The following ZNF385D variants were observed in gnomAD, a reference collection of about 807,000 sequenced individuals.
The protein encoded by ZNF385D is zinc finger protein 385D, also known as zinc finger protein 659.
In ZNF385D, 15 loss-of-function variants were observed where a neutral mutation model predicts 35.8. That is an observed-to-expected ratio of 0.42 (90% CI 0.28 to 0.64). The LOEUF (loss-of-function observed/expected upper bound fraction) is 0.64. ZNF385D is among the 30% of genes least tolerant of loss of function. The pLI, the probability that ZNF385D is intolerant of heterozygous loss-of-function variation, is 0.23. For synonymous variants in ZNF385D, 212 were observed against 186.8 expected (o/e 1.13, Z -1.10); for missense variants, 474 against 494.6 (o/e 0.96, Z 0.39).
At chr3:22,066,470 G>T (rs1369897764) in intron 3 of ZNF385D, among the ~76,000 whole-genome samples, 2 of 142,996 alleles carry the variant, frequency 1.4e-5, no homozygotes. Flanking sequence ...CCGTGTGTGT[G>T]TGTGTGTGTG....
chr3:21,565,903 T>A (rs866622693), intron 2 of ZNF385D, among the ~76,000 whole-genome samples: 3 of 152,298 alleles, frequency 2.0e-5, no homozygotes, highest in Middle Eastern at 3.4e-3. Flanking sequence ...TTCTGTGACA[T>A]ATTATAGTTC....
chr3:22,075,798 C>G (rs1344465830), intron 3 of ZNF385D, among the ~76,000 whole-genome samples: 1 of 151,932 alleles, frequency 6.6e-6, no homozygotes, highest in African/African-American at 2.4e-5. Context: ...ATTTCCTATT[C>G]TCCTTTGCAA....
intron 4 of ZNF385D, among the ~76,000 whole-genome samples, chr3:21,497,019 T>A (rs369401138): frequency 1.3e-5 from 2 of 152,076 alleles, no homozygotes; most frequent in Non-Finnish European, 2.9e-5. Context: ...TCACGACTCC[T>A]ATCCAACACA....
rs191761965 is a variant in ZNF385D at position 21,951,294 on chromosome 3, T to C, written c.325+217523A>G. ...ATAAGTTGTATACCTAGGTGTTTTATTCTCTTTGTAGCAATTGTGAATGGG... is the reference window on the plus strand; with the variant it reads ...ATAAGTTGTATACCTAGGTGTTTTACTCTCTTTGTAGCAATTGTGAATGGG... On this transcript the variant is annotated intron_variant, in intron 3 of 5. Coordinates refer to the ZNF385D transcript ENST00000494108. Among the ~76,000 whole-genome samples, 5 of 151,746 alleles carry C rather than the reference T, an allele frequency of 3.3e-5. 1 individual carries two copies. The highest frequency in any genetic ancestry group is 1.9e-4 in the East Asian group (1 of 5,168).
At chr3:21,853,361 A>G (rs1026076158) in intron 3 of ZNF385D, among the ~76,000 whole-genome samples, 4 of 151,868 alleles carry the variant, frequency 2.6e-5, no homozygotes, top group South Asian at 2.1e-4. Flanking sequence ...AAAAGTGGTA[A>G]TATCTATTAG....
In ZNF385D at chr3:21,941,646, C is replaced by T. The variant is rs567932271; in HGVS notation, c.325+227171G>A. Among the ~76,000 whole-genome samples the T allele has an allele frequency of 1.4e-4, 21 of 151,920 alleles. No individual in the cohort carries two copies. In the East Asian group the frequency reaches 3.3e-3, roughly 24 times the overall value. On this transcript the variant is annotated intron_variant, in intron 3 of 5. Transcript: ENST00000494108. Reference sequence around the variant, plus strand: ...CCGAGTAACTGGGACCACAGGCGCCCGCCACCACGTCCGGATAATTTTTTG... The same window carrying T: ...CCGAGTAACTGGGACCACAGGCGCCTGCCACCACGTCCGGATAATTTTTTG...
At chr3:21,636,496 C>G (rs1056478261) in intron 2 of ZNF385D, among the ~76,000 whole-genome samples, 3 of 148,510 alleles carry the variant, frequency 2.0e-5, no homozygotes, top group African/African-American at 7.5e-5. Context: ...AAGAAGAAGC[C>G]AGTCCGAATC....
At chr3:21,719,922 A>G (rs1413000201) in intron 1 of ZNF385D, among the ~76,000 whole-genome samples, 1 of 152,240 alleles carries the variant, frequency 6.6e-6, no homozygotes, top group Admixed American at 6.5e-5. Flanking sequence ...TCTCTCTCTC[A>G]TAACTAGCTG....
intron 3 of ZNF385D, among the ~76,000 whole-genome samples, chr3:21,858,287 T>C (rs1354700276): frequency 6.7e-6 from 1 of 149,904 alleles, no homozygotes; most frequent in African/African-American, 2.5e-5. Flanking sequence ...GGTAGGGAGG[T>C]AGCTTCAAAT....
chr3:22,268,692 A>C (rs191495310), intron 2 of ZNF385D, among the ~76,000 whole-genome samples: 1 of 152,200 alleles, frequency 6.6e-6, no homozygotes, highest in Admixed American at 6.6e-5. Flanking sequence ...AAGCAGATAT[A>C]ACTTAATCTA....
At chr3:21,728,729 T>G (rs1351741312) in intron 1 of ZNF385D, among the ~76,000 whole-genome samples, 1 of 152,150 alleles carries the variant, frequency 6.6e-6, no homozygotes, top group Non-Finnish European at 1.5e-5. Context: ...CAGAGGAGAT[T>G]CAAGTCGTTC....
At chr3:22,013,210 G>C (rs1476504837) in intron 3 of ZNF385D, among the ~76,000 whole-genome samples, 1 of 152,034 alleles carries the variant, frequency 6.6e-6, no homozygotes, top group African/African-American at 2.4e-5. Context: ...GATACATAAA[G>C]TGCAAACCTC....
intron 3 of ZNF385D, among the ~76,000 whole-genome samples, chr3:21,816,431 C>G (rs946684756): frequency 6.6e-6 from 1 of 152,136 alleles, no homozygotes; most frequent in Non-Finnish European, 1.5e-5. Context: ...CTAGAAAACC[C>G]CATTGTCTCA....
At chr3:22,014,658 A>G (rs1696774328) in intron 3 of ZNF385D, among the ~76,000 whole-genome samples, 1 of 152,094 alleles carries the variant, frequency 6.6e-6, no homozygotes, top group Non-Finnish European at 1.5e-5. Context: ...ATATGATAAT[A>G]TGTGCAAGCA....
intron 2 of ZNF385D, among the ~76,000 whole-genome samples, chr3:22,188,294 G>T (rs1381983829): frequency 6.6e-6 from 1 of 152,122 alleles, no homozygotes; most frequent in Non-Finnish European, 1.5e-5. Context: ...GTGGAGAGAT[G>T]AAAGACCAAT....
intron 4 of ZNF385D, among the ~76,000 whole-genome samples, chr3:21,503,052 A>G (rs998699763): frequency 4.6e-5 from 7 of 152,192 alleles, no homozygotes; most frequent in Non-Finnish European, 2.9e-5. Flanking sequence ...CAGCAGATCT[A>G]TAAGAGCTGA....
intron 3 of ZNF385D, among the ~76,000 whole-genome samples, chr3:21,871,432 G>C (rs1477939518): frequency 6.6e-6 from 1 of 152,098 alleles, no homozygotes; most frequent in African/African-American, 2.4e-5. Context: ...TTATTGTCTG[G>C]TCAGTCCACT....
chr3:22,014,429 A>G (rs573642690), intron 3 of ZNF385D, among the ~76,000 whole-genome samples: 1 of 152,150 alleles, frequency 6.6e-6, no homozygotes, highest in Non-Finnish European at 1.5e-5. Context: ...AAGAAAGAAG[A>G]TAACTCTGAA....
At chr3:21,754,960 G>C (rs2070276259), upstream of ZNF385D, among the ~76,000 whole-genome samples, 1 of 152,196 alleles carries the variant, frequency 6.6e-6, no homozygotes, top group African/African-American at 2.4e-5. Flanking sequence ...GGTTGGTTGT[G>C]TTTTGTGCAA....
Sources: allele counts gnomAD v4.1 joint callset (sites outside exome capture counted in the v4.1 genomes callset), GRCh38; gene constraint gnomAD v4.1.1; transcripts MANE v1.5; gene names NCBI Gene and HGNC (gene_info 2026-07-23, HGNC 2026-07-21).